Variants in CEP350 observed in about 807,000 individuals in gnomAD.
CEP350 encodes centrosome-associated protein 350.
In CEP350, 126 loss-of-function variants were observed where a neutral mutation model predicts 331.8. The observed-to-expected ratio is 0.38, with a 90% CI of 0.33 to 0.44. CEP350 has a LOEUF of 0.44. Ranked by LOEUF, CEP350 falls within the 20% of genes least tolerant of loss-of-function variation. The pLI is 1.00. For synonymous variants in CEP350, 1,200 were observed against 1,259.5 expected (o/e 0.95, Z 1.00); for missense variants, 3,406 against 3,634.6 (o/e 0.94, Z 1.62).
At chr1:180,048,241 C>G (rs970115896) in intron 21 of CEP350, among the ~76,000 whole-genome samples, 2 of 152,078 alleles carry the variant, frequency 1.3e-5, no homozygotes, top group Admixed American at 1.3e-4. Flanking sequence ...AGTAGTAGCT[C>G]CCTTTCCCAG....
rs768207360 is a variant in CEP350 at position 180,099,005 on chromosome 1, C to T, written c.9189+20C>T. The T allele has an allele frequency of 4.6e-5, 74 of 1,599,004 alleles. No homozygotes were observed. In the South Asian group the frequency reaches 7.7e-4, roughly 17 times the overall value. On this transcript the variant is annotated intron_variant, in intron 37 of 37. Coordinates refer to ENST00000367607, the MANE Select transcript of CEP350 (RefSeq NM_014810.5). ...ATCCTGGTCAGTGTATACAACCAAA[C>T]TGTTTTTATTTTGACCATATCTTTT...
At chr1:179,971,422 C>G (rs1651443840) in intron 1 of CEP350, among the ~76,000 whole-genome samples, 1 of 152,092 alleles carries the variant, frequency 6.6e-6, no homozygotes, top group South Asian at 2.1e-4. Context: ...GTTTAAGGCT[C>G]AAGTGATCCT....
intron 21 of CEP350, among the ~76,000 whole-genome samples, chr1:180,045,323 C>CA (rs545876150): frequency 3.2e-4 from 49 of 152,122 alleles, no homozygotes; most frequent in African/African-American, 1.1e-3. Flanking sequence ...GCCTGGGTGA[C>CA]AGAGTGAGAC....
At chr1:180,014,598 T>C in intron 10 of CEP350, 93 bp downstream of exon 10, 1 of 1,154,794 alleles carries the variant, frequency 8.7e-7, no homozygotes, top group Non-Finnish European at 1.2e-6. Context: ...ATTCCTAGTA[T>C]GCTCAGATAA....
At chr1:180,046,358 C>G (rs1315247268) in intron 21 of CEP350, among the ~76,000 whole-genome samples, 2 of 152,182 alleles carry the variant, frequency 1.3e-5, no homozygotes, top group Non-Finnish European at 2.9e-5. Flanking sequence ...TTGTAACTGA[C>G]TTCTTTCACT....
At chr1:180,052,535 C>T (rs1464832990) in intron 22 of CEP350, among the ~76,000 whole-genome samples, 2 of 152,046 alleles carry the variant, frequency 1.3e-5, no homozygotes, top group African/African-American at 4.8e-5. Flanking sequence ...ACTGAAAGAG[C>T]TGTCATATTC....
chr1:180,042,101 A>G (rs1307356546), intron 19 of CEP350, among the ~76,000 whole-genome samples: 1 of 150,194 alleles, frequency 6.7e-6, no homozygotes, highest in Non-Finnish European at 1.5e-5. Context: ...AAATGTACCT[A>G]TTTTAAGTAT....
intron 15 of CEP350, among the ~76,000 whole-genome samples, chr1:180,031,810 A>G (rs1447855783): frequency 6.6e-6 from 1 of 152,096 alleles, no homozygotes; most frequent in African/African-American, 2.4e-5. Flanking sequence ...TCTTTTGACT[A>G]AGCAGCTACC....
At chr1:179,979,817 T>C (rs919327853) in intron 1 of CEP350, among the ~76,000 whole-genome samples, 2 of 152,118 alleles carry the variant, frequency 1.3e-5, no homozygotes, top group South Asian at 4.1e-4. Flanking sequence ...CCCCAATGAA[T>C]GTTCTTGGCA....
intron 37 of CEP350, among the ~76,000 whole-genome samples, chr1:180,100,955 T>G (rs1182504068): frequency 6.6e-6 from 1 of 152,154 alleles, no homozygotes; most frequent in East Asian, 1.9e-4. Context: ...CAAGTTGAGA[T>G]TTAGGTGGGG....
chr1:180,078,402 G>A (rs181063455), intron 28 of CEP350, 61 bp from the exon 29 acceptor site: 8 of 1,233,782 alleles, frequency 6.5e-6, no homozygotes, highest in East Asian at 4.9e-5. Flanking sequence ...GTTTATTAGT[G>A]TAATTTTCCC....
intron 1 of CEP350, among the ~76,000 whole-genome samples, chr1:179,964,169 G>A (rs1166654610): frequency 6.6e-6 from 1 of 152,074 alleles, no homozygotes; most frequent in Non-Finnish European, 1.5e-5. Flanking sequence ...AGTTGATTTT[G>A]CATCCTGAAA....
At chr1:180,019,863 C>T in intron 11 of CEP350, 86 bp from the exon 12 acceptor site, 1 of 1,216,552 alleles carries the variant, frequency 8.2e-7, no homozygotes, top group Non-Finnish European at 1.1e-6. Context: ...TGCAGTGCAT[C>T]CTCATTACTC....
At chr1:180,027,253 A>G (rs1448188311) in intron 14 of CEP350, among the ~76,000 whole-genome samples, 4 of 152,166 alleles carry the variant, frequency 2.6e-5, no homozygotes, top group South Asian at 2.1e-4. Context: ...TTTACATGCA[A>G]TTTTATTCTG....
At chr1:180,029,782 T>G (rs1342259364) in intron 14 of CEP350, among the ~76,000 whole-genome samples, 1 of 152,196 alleles carries the variant, frequency 6.6e-6, no homozygotes, top group East Asian at 1.9e-4. Context: ...AACATTTTCA[T>G]CATCCCAAAC....
intron 1 of CEP350, among the ~76,000 whole-genome samples, chr1:179,985,317 G>T (rs2477111): frequency 0.57 from 86,438 of 152,042 alleles, 26,395 homozygotes; most frequent in East Asian, 0.71. Flanking sequence ...TCATGTTATA[G>T]CACATATCAG....
chr1:180,062,478 A>AC, intron 26 of CEP350, 112 bp downstream of exon 26: 3 of 1,293,214 alleles, frequency 2.3e-6, no homozygotes, highest in Non-Finnish European at 2.0e-6. Context: ...ACAATAATGA[A>AC]CTAGGATAAA....
intron 21 of CEP350, among the ~76,000 whole-genome samples, chr1:180,044,447 ATC>A (rs1656982597): frequency 6.6e-6 from 1 of 152,104 alleles, no homozygotes; most frequent in South Asian, 2.1e-4. Context: ...AGATGGTATT[ATC>A]CTTATAGGTT....
At chr1:179,971,143 T>A (rs868267966) in intron 1 of CEP350, among the ~76,000 whole-genome samples, 3 of 151,716 alleles carry the variant, frequency 2.0e-5, no homozygotes, top group African/African-American at 4.8e-5. Context: ...ATTCTCCTGC[T>A]TTAGCCTCCC....
Sources: allele counts gnomAD v4.1 joint callset (sites outside exome capture counted in the v4.1 genomes callset), GRCh38; gene constraint gnomAD v4.1.1; transcripts MANE v1.5; gene names NCBI Gene and HGNC (gene_info 2026-07-23, HGNC 2026-07-21).